SLF1: variants seen among roughly 807,000 people sequenced by gnomAD.
SLF1 encodes SMC5/6 complex localization factor 1.
In SLF1, 105 loss-of-function variants were observed where a neutral mutation model predicts 123.0. The ratio of observed to expected loss-of-function variants is 0.85; its 90% CI spans 0.73 to 1.00. The LOEUF is 1.00. Ranked by LOEUF, SLF1 falls within the 50% of genes least tolerant of loss-of-function variation. The pLI is 0.00. For missense variants in SLF1, 1,239 were observed against 1,223.0 expected, an observed-to-expected ratio of 1.01 and a Z score of -0.20; for synonymous variants, 434 against 406.6, an observed-to-expected ratio of 1.07 and a Z score of -0.81.
Position 94,628,806 on chromosome 5 carries a change from G to A in SLF1, c.1-5G>A, listed in dbSNP as rs920157055. 5.0e-5 allele frequency: 76 copies of A among 1,520,870 alleles called. No homozygotes were observed. The highest frequency in any genetic ancestry group is 2.0e-4 in the Admixed American group (9 of 45,950). The allele number at this position is 1,520,870 out of a possible 1,614,324, so 94.2% of individuals were successfully genotyped here. A position where few individuals can be genotyped will look rare whatever the true frequency, so the allele number is the denominator to read the frequency against. On this transcript the variant is annotated splice_polypyrimidine_tract_variant and splice_region_variant and intron_variant, in intron 1 of 20. Coordinates refer to ENST00000265140, the MANE Select transcript of SLF1 (RefSeq NM_032290.4). ...CATTATCTTCTGTATGTTTGTATTT[G>A]TTAGATGGAAGATGGTACCCCAAAG...
chr5:94,666,047 A>G, intron 12 of SLF1, 23 bp downstream of exon 12: 3 of 1,525,114 alleles, frequency 2.0e-6, no homozygotes, highest in Non-Finnish European at 2.6e-6. Flanking sequence ...ACATTTGACG[A>G]TGCTACATTT....
At chr5:94,680,420 C>T (rs912337235) in intron 15 of SLF1, among the ~76,000 whole-genome samples, 3 of 152,116 alleles carry the variant, frequency 2.0e-5, no homozygotes, top group Admixed American at 6.5e-5. Flanking sequence ...AGAACCCTTT[C>T]TTATATTTCT....
At chr5:94,664,054 C>A in intron 11 of SLF1, 146 bp downstream of exon 11, 1 of 687,852 alleles carries the variant, frequency 1.5e-6, no homozygotes, top group African/African-American at 1.9e-5. Flanking sequence ...CCATTTATTA[C>A]TACTGTTCTG....
chr5:94,670,469 A>G (rs553074541), intron 13 of SLF1, among the ~76,000 whole-genome samples, 190 bp downstream of exon 13: 5 of 151,890 alleles, frequency 3.3e-5, no homozygotes, highest in Admixed American at 2.6e-4. Context: ...CTTTTAAAAA[A>G]TTTCCTCAGT....
intron 4 of SLF1, 102 bp downstream of exon 4, chr5:94,630,845 C>G (rs1358258762): frequency 7.7e-7 from 1 of 1,300,048 alleles, no homozygotes; most frequent in Non-Finnish European, 1.0e-6. Context: ...CCCAAATGAG[C>G]CATGGTGATT....
chr5:94,638,976 A>G (rs1385501705), intron 4 of SLF1, among the ~76,000 whole-genome samples: 1 of 151,852 alleles, frequency 6.6e-6, no homozygotes, highest in Non-Finnish European at 1.5e-5. Flanking sequence ...AATTGTTGAC[A>G]AATTGAATTA....
intron 14 of SLF1, among the ~76,000 whole-genome samples, chr5:94,675,145 T>A (rs1750899779): frequency 6.6e-6 from 1 of 152,094 alleles, no homozygotes; most frequent in African/African-American, 2.4e-5. Flanking sequence ...AACCTGGGAG[T>A]CAGAAGGCCA....
chr5:94,679,936 TTTTCTTTA>T (rs1234885991), intron 15 of SLF1, among the ~76,000 whole-genome samples: 1 of 152,190 alleles, frequency 6.6e-6, no homozygotes, highest in African/African-American at 2.4e-5. Context: ...CCTTCCCTTT[TTTTCTTTA>T]TTTCTTTATT....
intron 4 of SLF1, among the ~76,000 whole-genome samples, chr5:94,634,090 T>C (rs1272242918): frequency 2.0e-5 from 3 of 152,222 alleles, no homozygotes; most frequent in Non-Finnish European, 4.4e-5. Flanking sequence ...ACAAGTTTAT[T>C]ATTTAATTCC....
chr5:94,643,827 C>T (rs1746711604), intron 5 of SLF1, among the ~76,000 whole-genome samples: 2 of 152,092 alleles, frequency 1.3e-5, no homozygotes, highest in Admixed American at 6.6e-5. Flanking sequence ...GTGGATGATG[C>T]TCCTCAAGTT....
chr5:94,679,605 AC>A (rs1275971998), intron 15 of SLF1, among the ~76,000 whole-genome samples: 1 of 151,826 alleles, frequency 6.6e-6, no homozygotes, highest in Non-Finnish European at 1.5e-5. Context: ...AAAAAAAAAA[AC>A]AAACAAAAAA....
At chr5:94,691,306 G>A (rs10078304) in intron 18 of SLF1, 98,392 of 407,492 alleles carry the variant, frequency 0.24, 13,315 homozygotes, top group Non-Finnish European at 0.28. Flanking sequence ...GACAATGCCT[G>A]TGTTAAACCT....
intron 9 of SLF1, among the ~76,000 whole-genome samples, chr5:94,656,107 T>C (rs1748346845): frequency 6.6e-6 from 1 of 152,080 alleles, no homozygotes; most frequent in African/African-American, 2.4e-5. Flanking sequence ...CTTTGTTATG[T>C]TGAAGTACTT....
intron 13 of SLF1, 26 bp downstream of exon 13, chr5:94,670,305 C>G: frequency 7.0e-7 from 1 of 1,419,102 alleles, no homozygotes; most frequent in Non-Finnish European, 9.2e-7. Flanking sequence ...AAGAATAACA[C>G]TTTTCTAAAT....
intron 15 of SLF1, among the ~76,000 whole-genome samples, 155 bp from the exon 16 acceptor site, chr5:94,686,416 GAT>G (rs1752438386): frequency 6.6e-6 from 1 of 152,112 alleles, no homozygotes; most frequent in Admixed American, 6.5e-5. Context: ...AAGGAATAGT[GAT>G]ATGACCTATT....
chr5:94,640,085 A>T (rs983280454), intron 4 of SLF1, among the ~76,000 whole-genome samples: 2 of 152,104 alleles, frequency 1.3e-5, no homozygotes, highest in South Asian at 2.1e-4. Context: ...CATTTTTGCC[A>T]TTTCCTGGCA....
intron 14 of SLF1, among the ~76,000 whole-genome samples, chr5:94,677,100 T>G (rs1273147541): frequency 6.6e-6 from 1 of 152,122 alleles, no homozygotes; most frequent in African/African-American, 2.4e-5. Context: ...TAACATACTG[T>G]TTATGAGTGT....
chr5:94,630,570 A>C lies in SLF1; in HGVS notation c.258A>C (p.Thr86=). ...SAKSGRWLDE[T]TYEWGYKIEK... ...AAAGTGGCAGATGGCTTGATGAAAC[A>C]ACTTATGAATGGGGATATAAAATTG... Residue 86 remains threonine (T), a synonymous_variant, in exon 4 of 21, where the codon ACA becomes ACC. Coordinates refer to ENST00000265140, the MANE Select transcript of SLF1 (RefSeq NM_032290.4). The C allele has an allele frequency of 6.4e-7, 1 of 1,551,682 alleles. No homozygotes were observed. The highest frequency in any genetic ancestry group is 1.4e-5 in the African/African-American group (1 of 73,184).
At chr5:94,667,268 G>A (rs778496021) in intron 12 of SLF1, among the ~76,000 whole-genome samples, 4 of 152,064 alleles carry the variant, frequency 2.6e-5, no homozygotes, top group African/African-American at 7.2e-5. Context: ...AAACAATACC[G>A]CACAAAAGTA....
Sources: allele counts gnomAD v4.1 joint callset (sites outside exome capture counted in the v4.1 genomes callset), GRCh38; gene constraint gnomAD v4.1.1; transcripts MANE v1.5; gene names NCBI Gene and HGNC (gene_info 2026-07-23, HGNC 2026-07-21).